The following ARHGAP18 variants were observed in gnomAD, a reference collection of about 807,000 sequenced individuals.
ARHGAP18 encodes the protein rho GTPase-activating protein 18.
A neutral mutation model predicts 86.2 loss-of-function variants in ARHGAP18; 67 were observed. That is an observed-to-expected ratio of 0.78 (90% CI 0.64 to 0.95). The LOEUF is 0.95. Ranked by LOEUF, ARHGAP18 falls within the 40% of genes least tolerant of loss-of-function variation. The pLI is 0.00. For synonymous variants in ARHGAP18, 283 were observed against 280.4 expected, an observed-to-expected ratio of 1.01 and a Z score of -0.09; for missense variants, 691 against 780.4, an observed-to-expected ratio of 0.89 and a Z score of 1.37.
At chr6:129,693,044 C>T (rs1317069073) in intron 1 of ARHGAP18, among the ~76,000 whole-genome samples, 2 of 152,216 alleles carry the variant, frequency 1.3e-5, no homozygotes, top group Non-Finnish European at 2.9e-5. Context: ...TAGGCCAAGA[C>T]TTTAATGTCC....
intron 1 of ARHGAP18, among the ~76,000 whole-genome samples, chr6:129,651,111 C>T (rs1773702670): frequency 6.6e-6 from 1 of 152,136 alleles, no homozygotes; most frequent in Non-Finnish European, 1.5e-5. Flanking sequence ...TAAAGTACTA[C>T]TGCCTCTAAA....
rs1562698751 is a variant in ARHGAP18 at position 129,625,963 on chromosome 6, T to TATATATTTATATATTA, written c.786+3389_786+3390insTAATATATAAATATAT. 6.4e-4 allele frequency among the ~76,000 whole-genome samples: 52 copies of TATATATTTATATATTA among 81,792 alleles called. 1 individual carries two copies. Among genetic ancestry groups the TATATATTTATATATTA allele is most frequent in the African/African-American group, 2.0e-3 (45 of 22,410 alleles). 53.7% of individuals were successfully genotyped at this position (81,792 alleles called of 152,430 possible). A position where few individuals can be genotyped will look rare whatever the true frequency, so the allele number is the denominator to read the frequency against. On this transcript the variant is annotated intron_variant, in intron 5 of 14. Coordinates refer to ENST00000368149, the MANE Select transcript of ARHGAP18 (RefSeq NM_033515.3). ...TATTATATATTTATATATTATATAT[T>TATATATTTATATATTA]TATATATTATATATATTTATATTAT...
At chr6:129,707,840 T>C (rs1476709068) in intron 1 of ARHGAP18, among the ~76,000 whole-genome samples, 1 of 151,976 alleles carries the variant, frequency 6.6e-6, no homozygotes, top group Non-Finnish European at 1.5e-5. Flanking sequence ...TTGTTTTTAC[T>C]TTTTGGAGAA....
chr6:129,705,693 C>A (rs1032908447), intron 1 of ARHGAP18, among the ~76,000 whole-genome samples: 2 of 152,206 alleles, frequency 1.3e-5, no homozygotes, highest in Non-Finnish European at 2.9e-5. Flanking sequence ...AAACTCAATC[C>A]TTTCTTTCCT....
chr6:129,599,403 C>A (rs771895448), intron 11 of ARHGAP18, 47 bp from the exon 12 acceptor site: 2 of 1,373,914 alleles, frequency 1.5e-6, no homozygotes, highest in Admixed American at 2.8e-5. Flanking sequence ...GAAATGCCAC[C>A]ATTTTAAACT....
intron 1 of ARHGAP18, among the ~76,000 whole-genome samples, chr6:129,658,566 G>T (rs1208503302): frequency 6.6e-6 from 1 of 152,186 alleles, no homozygotes; most frequent in Admixed American, 6.5e-5. Flanking sequence ...CATCAGGGTT[G>T]AGGATGCAGA....
chr6:129,664,164 A>G (rs764846010), intron 1 of ARHGAP18, among the ~76,000 whole-genome samples: 7 of 152,196 alleles, frequency 4.6e-5, no homozygotes, highest in African/African-American at 7.2e-5. Context: ...GGCATGACTC[A>G]TTATCTCGAA....
At position 129,598,527 on chromosome 6, in the gene ARHGAP18, G is replaced by A. The variant is rs1378807633; in HGVS notation, c.1713+689C>T. The stretch of plus-strand genomic sequence containing the variant: ...AACAATAGAAACCCTTTCATTTCAT[G>A]AACTTACGCTACAGCTTTGGTAACT... On this transcript the variant is annotated intron_variant, in intron 12 of 14. Coordinates refer to ENST00000368149, the MANE Select transcript of ARHGAP18 (RefSeq NM_033515.3). Among the ~76,000 whole-genome samples the A allele has an allele frequency of 2.0e-5, 3 of 152,192 alleles. No individual in the cohort carries two copies. The East Asian group carries it at 5.8e-4, about 29-fold the overall frequency.
chr6:129,579,017 T>G (rs762896238), intron 14 of ARHGAP18, among the ~76,000 whole-genome samples: 1 of 152,050 alleles, frequency 6.6e-6, no homozygotes, highest in Non-Finnish European at 1.5e-5. Context: ...CTTTCCTGTT[T>G]CTCAAAATAT....
chr6:129,599,382 G>A, intron 11 of ARHGAP18, 26 bp from the exon 12 acceptor site: 3 of 1,433,176 alleles, frequency 2.1e-6, no homozygotes, highest in African/African-American at 1.5e-5. Flanking sequence ...ATTAAGCTTA[G>A]AGAGGAAAAA....
intron 1 of ARHGAP18, among the ~76,000 whole-genome samples, chr6:129,653,616 G>A (rs1298393819): frequency 2.0e-5 from 3 of 152,138 alleles, no homozygotes; most frequent in Non-Finnish European, 4.4e-5. Flanking sequence ...AGTAGAATAT[G>A]TGAATACTAC....
In ARHGAP18 at chr6:129,663,670, C is replaced by A. The variant is rs148515844; in HGVS notation, c.114-21652G>T. On this transcript the variant is annotated intron_variant, in intron 1 of 14. Coordinates refer to ENST00000368149, the MANE Select transcript of ARHGAP18 (RefSeq NM_033515.3). ...AACACATTACTCTTCAACTTTATCA[C>A]CAGGGTAATAAAGACAGGCAATAAA... 4.5e-3 allele frequency among the ~76,000 whole-genome samples: 684 copies of A among 152,274 alleles called. 7 individuals are homozygous for A. The highest frequency in any genetic ancestry group is 0.015 in the African/African-American group (637 of 41,558).
At chr6:129,579,661 A>G (rs1788247824) in intron 14 of ARHGAP18, among the ~76,000 whole-genome samples, 1 of 152,202 alleles carries the variant, frequency 6.6e-6, no homozygotes, top group African/African-American at 2.4e-5. Flanking sequence ...GAAATCAACT[A>G]TGGCAAAAGT....
intron 10 of ARHGAP18, among the ~76,000 whole-genome samples, chr6:129,604,905 A>T (rs944388301): frequency 2.0e-5 from 3 of 152,170 alleles, no homozygotes; most frequent in Admixed American, 2.0e-4. Context: ...TTCCATGGGC[A>T]TTAAAGAACT....
In ARHGAP18 at chr6:129,710,058, T is replaced by G; in HGVS notation, c.79A>C (p.Ser27Arg). The change falls in exon 1 of 15, where the codon AGC becomes CGC. Residue 27 changes from serine to arginine, a missense_variant. Ser to Arg is a moderately radical substitution (Grantham distance 110). Coordinates refer to ENST00000368149, the MANE Select transcript of ARHGAP18 (RefSeq NM_033515.3). ...PSGKDQTVGN[S>R]HAKAGEEATS... ...GCTTCCTCCCCTGCCTTTGCATGGCTGTTCCCGACGGTCTGGTCCTTGCCG... is the reference window on the plus strand; with the variant it reads ...GCTTCCTCCCCTGCCTTTGCATGGCGGTTCCCGACGGTCTGGTCCTTGCCG... 6.2e-7 allele frequency: 1 copy of G among 1,614,154 alleles called. No individual in the cohort carries two copies. The highest frequency in any genetic ancestry group is 8.5e-7 in the Non-Finnish European group (1 of 1,179,964).
At chr6:129,686,916 G>A (rs905961567) in intron 1 of ARHGAP18, among the ~76,000 whole-genome samples, 6 of 150,268 alleles carry the variant, frequency 4.0e-5, no homozygotes, top group Non-Finnish European at 7.4e-5. Flanking sequence ...TCAGCCTCCG[G>A]AGTAGTTGGG....
chr6:129,692,445 TG>T (rs1037902635), intron 1 of ARHGAP18, among the ~76,000 whole-genome samples: 2 of 152,184 alleles, frequency 1.3e-5, no homozygotes, highest in African/African-American at 4.8e-5. Context: ...ACAAACCATT[TG>T]CCTGGGTACG....
intron 12 of ARHGAP18, among the ~76,000 whole-genome samples, chr6:129,593,832 G>A (rs1788563556): frequency 6.6e-6 from 1 of 152,146 alleles, no homozygotes; most frequent in Non-Finnish European, 1.5e-5. Context: ...CAAACACTCA[G>A]TATGCTGTAG....
rs370240208 is a variant in ARHGAP18, at chr6:129,641,800, T to G, written c.316+16A>C. On this transcript the variant is annotated intron_variant, in intron 2 of 14. Coordinates refer to ENST00000368149, the MANE Select transcript of ARHGAP18 (RefSeq NM_033515.3). The stretch of plus-strand genomic sequence containing the variant: ...ACATATACAAACAACAAAAGCTTTA[T>G]TTAGTTAGTTATTACCATCAGGCTC... 550 of 1,600,922 alleles carry G rather than the reference T, an allele frequency of 3.4e-4. No homozygotes were observed. Among genetic ancestry groups the G allele is most frequent in the Non-Finnish European group, 4.5e-4 (532 of 1,170,518 alleles).
Sources: gnomAD v4.1 joint callset for allele counts (sites outside exome capture counted in the v4.1 genomes callset) on GRCh38, gnomAD v4.1.1 for gene constraint, MANE v1.5 for transcripts, NCBI Gene and HGNC (gene_info 2026-07-23, HGNC 2026-07-21) for gene names.